Variants in PCBP2 observed in about 807,000 individuals in gnomAD.
PCBP2 encodes the protein poly(rC)-binding protein 2.
A neutral mutation model predicts 50.1 loss-of-function variants in PCBP2; 4 were observed. That is an observed-to-expected ratio of 0.08 (90% CI 0.04 to 0.18). The LOEUF (loss-of-function observed/expected upper bound fraction) is 0.18. Ranked by LOEUF, PCBP2 falls within the 10% of genes least tolerant of loss-of-function variation. The probability of loss-of-function intolerance (pLI) is 1.00; values close to 1 mark genes in which losing one functional copy is unlikely to be tolerated. For missense variants in PCBP2, 161 were observed against 474.3 expected (o/e 0.34, Z 6.14); for synonymous variants, 179 against 168.0 (o/e 1.07, Z -0.51).
intron 5 of PCBP2, among the ~76,000 whole-genome samples, 194 bp from the exon 6 acceptor site, chr12:53,459,078 A>G (rs1227335816): frequency 6.6e-6 from 1 of 152,124 alleles, no homozygotes; most frequent in African/African-American, 2.4e-5. Context: ...AATTTTGAGG[A>G]ATTTTTCATG....
intron 1 of PCBP2, 124 bp downstream of exon 1, chr12:53,452,500 C>T (rs1021146767): frequency 6.6e-6 from 1 of 151,474 alleles, no homozygotes; most frequent in African/African-American, 2.4e-5. Flanking sequence ...TGAGCGCCTA[C>T]CACCTCACTG....
chr12:53,468,723 A>T, intron 12 of PCBP2, 54 bp from the exon 13 acceptor site: 1 of 1,273,602 alleles, frequency 7.9e-7, no homozygotes, highest in South Asian at 1.2e-5. Context: ...TGTGCAAGTC[A>T]GTGAGGTTTT....
Position 53,480,740 on chromosome 12 carries a change from A to T in PCBP2, c.*1298A>T, listed in dbSNP as rs1252345968. 6.6e-6 allele frequency: 1 copy of T among 152,576 alleles called. No individual in the cohort carries two copies. Among genetic ancestry groups the T allele is most frequent in the Non-Finnish European group, 1.5e-5 (1 of 68,080 alleles). 9.5% of individuals were successfully genotyped at this position (152,576 alleles called of 1,614,324 possible). A position where few individuals can be genotyped will look rare whatever the true frequency, so the allele number is the denominator to read the frequency against. On this transcript the variant is annotated 3_prime_UTR_variant, in exon 15 of 15. Transcript: ENST00000546463. ...CACCTGAGAAACCTCAGAGGGGAGG[A>T]CCCAGCCTTAGCCTCCCTCCTCCCA...
At chr12:53,458,143 G>T (rs1248915845) in intron 5 of PCBP2, among the ~76,000 whole-genome samples, 1 of 152,082 alleles carries the variant, frequency 6.6e-6, no homozygotes, top group Admixed American at 6.5e-5. Flanking sequence ...TGGCCAGGCT[G>T]GTCTCGGACT....
intron 14 of PCBP2, among the ~76,000 whole-genome samples, chr12:53,473,609 T>C (rs1475500290): frequency 6.6e-6 from 1 of 152,192 alleles, no homozygotes; most frequent in East Asian, 1.9e-4. Flanking sequence ...GTGGCTCTTT[T>C]CAGGATCATT....
intron 14 of PCBP2, among the ~76,000 whole-genome samples, chr12:53,478,926 G>C (rs1942856797): frequency 6.6e-6 from 1 of 151,502 alleles, no homozygotes; most frequent in Non-Finnish European, 1.5e-5. Flanking sequence ...CACATTGATA[G>C]AACTCCAGGG....
intron 14 of PCBP2, among the ~76,000 whole-genome samples, chr12:53,479,131 G>A (rs1942875752): frequency 1.3e-5 from 2 of 152,174 alleles, no homozygotes; most frequent in Admixed American, 1.3e-4. Flanking sequence ...ACACTCCTTG[G>A]TTAGCCCACC....
chr12:53,474,252 C>T (rs1364271408), intron 14 of PCBP2, among the ~76,000 whole-genome samples: 2 of 152,230 alleles, frequency 1.3e-5, no homozygotes, highest in Non-Finnish European at 2.9e-5. Context: ...TTCTTATCTA[C>T]ACTTCTGTTC....
intron 8 of PCBP2, among the ~76,000 whole-genome samples, chr12:53,463,486 A>G (rs539223093): frequency 2.6e-5 from 4 of 152,362 alleles, no homozygotes; most frequent in South Asian, 4.1e-4. Context: ...GTCATTAAAC[A>G]ATAGAGTATA....
rs1940980249 is a variant in PCBP2 at position 53,455,995 on chromosome 12, G to T, written c.237G>T (p.Leu79=). 6.3e-7 allele frequency: 1 copy of T among 1,586,934 alleles called. No homozygotes were observed. The highest frequency in any genetic ancestry group is 8.7e-7 in the Non-Finnish European group (1 of 1,155,592). Residue 79 remains leucine, a synonymous_variant, in exon 5 of 15, where the codon CTG becomes CTT. Coordinates refer to ENST00000546463, the MANE Select transcript of PCBP2 (RefSeq NM_031989.5). ...FKAFAMIIDK[L]EEDISSSMTN... Reference sequence around the variant, plus strand: ...CCTTTGCTATGATCATTGACAAACTGGAAGAGGTTTGTTGTCTCCCACTCC... The same window carrying T: ...CCTTTGCTATGATCATTGACAAACTTGAAGAGGTTTGTTGTCTCCCACTCC...
At position 53,467,232 on chromosome 12, in the gene PCBP2, G is replaced by C. The variant is rs1199746689; in HGVS notation, c.726G>C (p.Leu242=). ...TTTCCTCCTTGCAGTTGACCAAGCT[G>C]CACCAGTTGGCAATGCAACAGTCTC... ...YAIPQPDLTK[L]HQLAMQQSHF... The change falls in exon 11 of 15, where the codon CTG becomes CTC. Residue 242 remains leucine, a synonymous_variant. Transcript: ENST00000546463. 6.2e-7 allele frequency: 1 copy of C among 1,613,726 alleles called. No individual in the cohort carries two copies. The highest frequency in any genetic ancestry group is 8.5e-7 in the Non-Finnish European group (1 of 1,179,696).
At chr12:53,457,910 A>T (rs1257930792) in intron 5 of PCBP2, among the ~76,000 whole-genome samples, 1 of 152,126 alleles carries the variant, frequency 6.6e-6, no homozygotes, top group Non-Finnish European at 1.5e-5. Context: ...GAATCAATAC[A>T]GTCAAATCTA....
intron 14 of PCBP2, among the ~76,000 whole-genome samples, chr12:53,476,889 AC>A (rs1239869115): frequency 6.6e-6 from 1 of 152,030 alleles, no homozygotes; most frequent in Admixed American, 6.5e-5. Flanking sequence ...TCATGCTGAT[AC>A]CATCTCCCCC....
chr12:53,458,741 C>T (rs769619308), intron 5 of PCBP2, among the ~76,000 whole-genome samples: 2 of 151,382 alleles, frequency 1.3e-5, no homozygotes, highest in South Asian at 2.1e-4. Context: ...TGGGTTCAAG[C>T]GATTCTCCCG....
At chr12:53,464,444 G>C (rs1565864696) in intron 8 of PCBP2, 1 of 306,470 alleles carries the variant, frequency 3.3e-6, no homozygotes, top group Admixed American at 5.9e-5. Flanking sequence ...AGATGGACCT[G>C]TGTCTTTTGT....
chr12:53,455,637 G>A (rs1940949072), intron 4 of PCBP2, 144 bp downstream of exon 4: 1 of 873,026 alleles, frequency 1.1e-6, no homozygotes, highest in East Asian at 2.6e-5. Context: ...GTGATAATCT[G>A]GGGAGTGTAT....
Position 53,478,005 on chromosome 12 carries a change from A to AGC in PCBP2, c.1053-1400_1053-1399dup, listed in dbSNP as rs561640816. 7.7e-4 allele frequency among the ~76,000 whole-genome samples: 118 copies of AGC among 152,370 alleles called. 3 individuals carry two copies. The South Asian group carries it at 0.024, about 31-fold the overall frequency. ...TTGCTGCCTACCTACCTACCAGTGA[A>AGC]GCATACTGAGTACTTAAATACTTTT... On this transcript the variant is annotated intron_variant, in intron 14 of 14. Coordinates refer to ENST00000546463, the MANE Select transcript of PCBP2 (RefSeq NM_031989.5).
chr12:53,472,366 T>TTCTA (rs145918885), intron 14 of PCBP2, among the ~76,000 whole-genome samples: 1,935 of 152,304 alleles, frequency 0.013, 32 homozygotes, highest in African/African-American at 0.044. Context: ...GAAGTGTGTT[T>TTCTA]TCTATCTCAC....
intron 8 of PCBP2, 117 bp downstream of exon 8, chr12:53,462,684 A>C: frequency 1.5e-6 from 1 of 680,600 alleles, no homozygotes; most frequent in East Asian, 2.9e-5. Flanking sequence ...CTCTGGCCAT[A>C]GTTTGACCGG....
Sources: gnomAD v4.1 joint callset for allele counts (sites outside exome capture counted in the v4.1 genomes callset) on GRCh38, gnomAD v4.1.1 for gene constraint, MANE v1.5 for transcripts, NCBI Gene and HGNC (gene_info 2026-07-23, HGNC 2026-07-21) for gene names.